The following IQSEC3 variants were observed in gnomAD, a reference collection of about 807,000 sequenced individuals.
IQSEC3 encodes IQ motif and Sec7 domain ArfGEF 3, also known as IQ motif and SEC7 domain-containing protein 3.
IQSEC3 carries 50 observed loss-of-function variants against 105.4 expected under a neutral mutation model. The ratio of observed to expected loss-of-function variants is 0.47; its 90% CI spans 0.38 to 0.60. The LOEUF is 0.60. IQSEC3 is among the 20% of genes least tolerant of loss of function. The probability of loss-of-function intolerance (pLI) is 0.00; values close to 1 mark genes in which losing one functional copy is unlikely to be tolerated. For synonymous variants in IQSEC3, 708 were observed against 746.0 expected, an observed-to-expected ratio of 0.95 and a Z score of 0.83; for missense variants, 1,415 against 1,630.0, an observed-to-expected ratio of 0.87 and a Z score of 2.27.
chr12:163,652 C>A, intron 9 of IQSEC3, 33 bp downstream of exon 9: 1 of 1,226,086 alleles, frequency 8.2e-7, no homozygotes, highest in Non-Finnish European at 1.2e-6. Flanking sequence ...CTGGGCTGGG[C>A]TGGGGCTGCC....
intron 1 of IQSEC3, among the ~76,000 whole-genome samples, chr12:92,134 TG>T (rs1393045294): frequency 6.6e-6 from 1 of 152,078 alleles, no homozygotes; most frequent in Non-Finnish European, 1.5e-5. Flanking sequence ...CTCATCAATA[TG>T]GGGGATTTGG....
intron 2 of IQSEC3, among the ~76,000 whole-genome samples, chr12:116,508 G>A (rs921789544): frequency 7.9e-5 from 12 of 152,222 alleles, no homozygotes. Flanking sequence ...GCTTACTCAG[G>A]CCACAAAGGG....
At chr12:104,933 A>G (rs902549593) in intron 2 of IQSEC3, among the ~76,000 whole-genome samples, 15 of 152,286 alleles carry the variant, frequency 9.8e-5, no homozygotes, top group Non-Finnish European at 2.2e-4. Flanking sequence ...TACGTCTTCA[A>G]ACAGCTGGGC....
intron 5 of IQSEC3, among the ~76,000 whole-genome samples, chr12:145,272 C>T (rs1373073310): frequency 6.6e-6 from 1 of 152,104 alleles, no homozygotes; most frequent in Non-Finnish European, 1.5e-5. Context: ...AATGTTAGCT[C>T]TTTCTTTTCT....
intron 2 of IQSEC3, among the ~76,000 whole-genome samples, chr12:124,086 A>G (rs4980978): frequency 0.39 from 59,049 of 151,610 alleles, 11,533 homozygotes; most frequent in South Asian, 0.44. Flanking sequence ...TAGCTGGGGA[A>G]ATAAGAGTTT....
At chr12:82,938 G>A (rs1187677727) in intron 1 of IQSEC3, among the ~76,000 whole-genome samples, 4 of 152,202 alleles carry the variant, frequency 2.6e-5, no homozygotes, top group Admixed American at 6.5e-5. Context: ...TGTTCAGCAG[G>A]GGATAGGGGA....
intron 5 of IQSEC3, chr12:143,742 G>A (rs73603124): frequency 0.021 from 3,655 of 175,504 alleles, 138 homozygotes; most frequent in African/African-American, 0.081. Flanking sequence ...GTTCATGGGG[G>A]AATGAGTTGG....
chr12:99,808 C>A (rs549614951), intron 2 of IQSEC3, among the ~76,000 whole-genome samples: 1 of 152,284 alleles, frequency 6.6e-6, no homozygotes, highest in Admixed American at 6.5e-5. Context: ...TGCCCTCTGC[C>A]TCCCTGTCCC....
chr12:166,489 C>T (rs1555098499), intron 11 of IQSEC3, among the ~76,000 whole-genome samples: 2 of 152,186 alleles, frequency 1.3e-5, no homozygotes, highest in African/African-American at 4.8e-5. Context: ...GGGTCTCTTT[C>T]TGTGTCCAGG....
intron 4 of IQSEC3, 55 bp downstream of exon 4, chr12:139,409 A>G (rs1420396304): frequency 2.1e-6 from 3 of 1,417,148 alleles, no homozygotes; most frequent in Non-Finnish European, 2.8e-6. Context: ...GAGGGAGGGA[A>G]GGAGGAGGGC....
rs1938991552 is a variant in IQSEC3, at chr12:171,421, C to G, written c.3114+260C>G. 4.3e-6 allele frequency: 5 copies of G among 1,159,206 alleles called. No individual in the cohort carries two copies. The Admixed American group carries it at 9.3e-5, about 22-fold the overall frequency. The allele number at this position is 1,159,206 out of a possible 1,614,324, so 71.8% of individuals were successfully genotyped here. ...CCGAGGCCGAGCTCCCAGACTAACA[C>G]AGTGGAGACGGAGCTCACGGCACCC... On this transcript the variant is annotated intron_variant, in intron 13 of 13. Transcript: ENST00000538872.
intron 5 of IQSEC3, chr12:148,851 C>T (rs949319964): frequency 1.3e-5 from 2 of 152,088 alleles, no homozygotes; most frequent in East Asian, 1.9e-4. Flanking sequence ...TCTTCGCCGT[C>T]TCTTCCAGCC....
Position 177,271 on chromosome 12 carries a change from C to A in IQSEC3, c.*2238C>A, listed in dbSNP as rs997668260. The stretch of plus-strand genomic sequence containing the variant: ...TGCTCACACAGCTCTTCAAGCTTAC[C>A]AAGGACAGGCAGGACCCCGTCCCCT... On this transcript the variant is annotated 3_prime_UTR_variant, in exon 14 of 14. Transcript: ENST00000538872. This position sits in a 1 kb window ranked among gnomAD's most constrained non-coding sequence, Gnocchi z 5.3. 6 of 106,446 alleles carry A rather than the reference C, an allele frequency of 5.6e-5. No individual in the cohort carries two copies. The highest frequency in any genetic ancestry group is 1.8e-4 in the African/African-American group (6 of 33,050). The allele number at this position is 106,446 out of a possible 1,614,324, so 6.6% of individuals were successfully genotyped here.
chr12:85,662 G>A (rs1863894231), intron 1 of IQSEC3, among the ~76,000 whole-genome samples: 1 of 152,168 alleles, frequency 6.6e-6, no homozygotes, highest in African/African-American at 2.4e-5. Flanking sequence ...AGGGCCTCCT[G>A]GCATGCTCAA....
chr12:76,291 G>C (rs1863524584), intron 1 of IQSEC3, among the ~76,000 whole-genome samples: 3 of 152,372 alleles, frequency 2.0e-5, no homozygotes, highest in Non-Finnish European at 4.4e-5. Context: ...CCCTTACCAG[G>C]CAGGATCAGC....
At chr12:155,838 G>C (rs369727986) in intron 5 of IQSEC3, among the ~76,000 whole-genome samples, 3 of 152,224 alleles carry the variant, frequency 2.0e-5, no homozygotes, top group Non-Finnish European at 2.9e-5. Context: ...TGCAGGGGCT[G>C]TGCCATAGCC....
At chr12:125,953 G>T (rs999298371) in intron 3 of IQSEC3, 41 bp downstream of exon 3, 1 of 1,514,120 alleles carries the variant, frequency 6.6e-7, no homozygotes, top group Non-Finnish European at 8.8e-7. Flanking sequence ...GGTGGTGAAG[G>T]GGCCCTGCTT....
In IQSEC3 at chr12:161,957, G is replaced by A; in HGVS notation, c.2475G>A (p.Glu825=). ...GVDDGADIPR[E]LVVGIYERIQ... ...ACGATGGCGCTGACATCCCCAGGGA[G>A]CTGGTGGTAGGCATCTATGAGAGGA... The change falls in exon 8 of 14, where the codon GAG becomes GAA. Residue 825 remains glutamate, a synonymous_variant. Coordinates refer to ENST00000538872, the MANE Select transcript of IQSEC3 (RefSeq NM_001170738.2). 1 of 1,613,094 alleles carries A rather than the reference G, an allele frequency of 6.2e-7. No homozygotes were observed. The highest frequency in any genetic ancestry group is 8.5e-7 in the Non-Finnish European group (1 of 1,179,700).
In IQSEC3 at chr12:125,628, C is replaced by T; in HGVS notation, c.624-5C>T. The T allele has an allele frequency of 6.7e-7, 1 of 1,496,746 alleles. No homozygotes were observed. Among genetic ancestry groups the T allele is most frequent in the Non-Finnish European group, 8.8e-7 (1 of 1,134,876 alleles). The allele number at this position is 1,496,746 out of a possible 1,614,324, so 92.7% of individuals were successfully genotyped here. On this transcript the variant is annotated splice_polypyrimidine_tract_variant and splice_region_variant and intron_variant, in intron 2 of 13. Coordinates refer to ENST00000538872, the MANE Select transcript of IQSEC3 (RefSeq NM_001170738.2). ...CAACCGAGCACCGTTGCCTTCTGTT[C>T]ACAGTGATGGCTCCTGCACCCAGGC...
Sources: gnomAD v4.1 joint callset for allele counts (sites outside exome capture counted in the v4.1 genomes callset) on GRCh38, gnomAD v4.1.1 for gene constraint, Gnocchi (gnomAD v3.1) non-coding constraint, MANE v1.5 for transcripts, NCBI Gene and HGNC (gene_info 2026-07-23, HGNC 2026-07-21) for gene names.